CFAP299: variants seen among roughly 807,000 people sequenced by gnomAD.
CFAP299 encodes the protein cilia- and flagella-associated protein 299.
A neutral mutation model predicts 27.0 loss-of-function variants in CFAP299; 21 were observed. The ratio of observed to expected loss-of-function variants is 0.78; its 90% CI spans 0.55 to 1.12. The LOEUF (loss-of-function observed/expected upper bound fraction) is 1.12. Ranked by LOEUF, CFAP299 falls within the 50% of genes most tolerant of loss-of-function variation. CFAP299 has a pLI of 0.00. For missense variants in CFAP299, 310 were observed against 276.6 expected, an observed-to-expected ratio of 1.12 and a Z score of -0.86; for synonymous variants, 104 against 98.1, an observed-to-expected ratio of 1.06 and a Z score of -0.36.
chr4:80,959,470 T>C (rs1738231033), intron 5 of CFAP299, among the ~76,000 whole-genome samples: 1 of 152,082 alleles, frequency 6.6e-6, no homozygotes, highest in Non-Finnish European at 1.5e-5. Context: ...CAATCATTAT[T>C]TTCCTTTAAG....
intron 4 of CFAP299, among the ~76,000 whole-genome samples, chr4:80,903,421 T>A (rs911814407): frequency 7.2e-5 from 11 of 152,156 alleles, no homozygotes; most frequent in Admixed American, 2.0e-4. Context: ...CTGAAAAAAA[T>A]TTTAATATTA....
intron 2 of CFAP299, among the ~76,000 whole-genome samples, chr4:80,421,784 A>G (rs1022293048): frequency 6.6e-6 from 1 of 152,216 alleles, no homozygotes; most frequent in Non-Finnish European, 1.5e-5. Context: ...GATCTTTTAC[A>G]CAAAACCAAA....
At chr4:80,871,636 C>G in intron 4 of CFAP299, 1 of 981,748 alleles carries the variant, frequency 1.0e-6, no homozygotes, top group Non-Finnish European at 1.2e-6. Context: ...TCATCACCAC[C>G]TTTATAACTA....
intron 3 of CFAP299, among the ~76,000 whole-genome samples, chr4:80,857,171 G>A (rs998998893): frequency 1.3e-5 from 2 of 152,150 alleles, no homozygotes; most frequent in African/African-American, 4.8e-5. Flanking sequence ...AAGCAATTGT[G>A]AATGGGAGTT....
chr4:80,866,433 GC>G (rs1014356854), intron 3 of CFAP299, among the ~76,000 whole-genome samples: 1 of 151,994 alleles, frequency 6.6e-6, no homozygotes, highest in Non-Finnish European at 1.5e-5. Flanking sequence ...AGTCTCTGTT[GC>G]TCTACATACT....
intron 3 of CFAP299, among the ~76,000 whole-genome samples, chr4:80,734,249 G>C (rs1175409736): frequency 6.6e-6 from 1 of 151,998 alleles, no homozygotes; most frequent in African/African-American, 2.4e-5. Context: ...ATGCCTGCTT[G>C]CCATTTGTAT....
chr4:80,870,460 G>T, intron 4 of CFAP299: 2 of 1,010,358 alleles, frequency 2.0e-6, no homozygotes, highest in Non-Finnish European at 2.4e-6. Flanking sequence ...GAAGCCTCAA[G>T]AACTGCTCAT....
intron 2 of CFAP299, among the ~76,000 whole-genome samples, chr4:80,557,812 A>G (rs1411418279): frequency 6.6e-6 from 1 of 152,132 alleles, no homozygotes; most frequent in Non-Finnish European, 1.5e-5. Context: ...AACAAACACA[A>G]AATAATTTCT....
intron 3 of CFAP299, among the ~76,000 whole-genome samples, chr4:80,672,860 C>G (rs1298075522): frequency 6.6e-6 from 1 of 151,354 alleles, no homozygotes; most frequent in Non-Finnish European, 1.5e-5. Flanking sequence ...TCCCCTTTGT[C>G]ATTTTTTATT....
chr4:80,878,197 C>T (rs950237987), intron 4 of CFAP299, among the ~76,000 whole-genome samples: 9 of 152,084 alleles, frequency 5.9e-5, no homozygotes, highest in African/African-American at 1.9e-4. Context: ...GCACCTCTCT[C>T]CATACTTCCC....
At chr4:80,937,791 AG>A (rs1383201306) in intron 4 of CFAP299, among the ~76,000 whole-genome samples, 2 of 152,038 alleles carry the variant, frequency 1.3e-5, no homozygotes, top group Non-Finnish European at 2.9e-5. Flanking sequence ...AATGTTTTGT[AG>A]TTCTTGTTCT....
chr4:80,423,759 T>C (rs1045156521), intron 2 of CFAP299, among the ~76,000 whole-genome samples: 1 of 152,160 alleles, frequency 6.6e-6, no homozygotes, highest in African/African-American at 2.4e-5. Context: ...GCCAGAATGG[T>C]GCTGAAATGT....
intron 2 of CFAP299, among the ~76,000 whole-genome samples, chr4:80,430,588 C>CT (rs1727763012): frequency 6.6e-6 from 1 of 152,172 alleles, no homozygotes; most frequent in South Asian, 2.1e-4. Flanking sequence ...AATACACTCT[C>CT]TAACAACTTC....
chr4:80,898,510 C>T (rs930813129), intron 4 of CFAP299, among the ~76,000 whole-genome samples: 1 of 151,868 alleles, frequency 6.6e-6, no homozygotes, highest in Non-Finnish European at 1.5e-5. Context: ...TTGGAAAAGG[C>T]AACATTTAAG....
At chr4:80,820,915 A>C (rs758857591) in intron 3 of CFAP299, among the ~76,000 whole-genome samples, 2 of 152,208 alleles carry the variant, frequency 1.3e-5, no homozygotes, top group Non-Finnish European at 2.9e-5. Context: ...ACAGATCATT[A>C]CTGAGAAATT....
At chr4:80,492,451 A>G (rs979112165) in intron 2 of CFAP299, among the ~76,000 whole-genome samples, 1 of 152,186 alleles carries the variant, frequency 6.6e-6, no homozygotes, top group African/African-American at 2.4e-5. Context: ...TCATCATGAT[A>G]AGCTAGCAGT....
intron 2 of CFAP299, among the ~76,000 whole-genome samples, chr4:80,484,357 A>G (rs1730710252): frequency 6.6e-6 from 1 of 152,152 alleles, no homozygotes; most frequent in Non-Finnish European, 1.5e-5. Context: ...TTCCCCATAT[A>G]CCTGTATAAC....
Position 80,880,260 on chromosome 4 carries a change from T to A in CFAP299, c.476+10125T>A, listed in dbSNP as rs371122006. Among the ~76,000 whole-genome samples the A allele has an allele frequency of 1.7e-3, 265 of 152,162 alleles. 1 individual carries two copies. Among genetic ancestry groups the A allele is most frequent in the African/African-American group, 5.9e-3 (245 of 41,532 alleles). ...GAAGTCTTCTTGAATGCCTTTTGTA[T>A]AAATACATGAAATGAGTTCATTTAA... On this transcript the variant is annotated intron_variant, in intron 4 of 5. Coordinates refer to ENST00000358105, the MANE Select transcript of CFAP299 (RefSeq NM_152770.3).
intron 3 of CFAP299, among the ~76,000 whole-genome samples, chr4:80,782,310 A>G (rs1312792782): frequency 6.6e-6 from 1 of 151,870 alleles, no homozygotes; most frequent in Non-Finnish European, 1.5e-5. Context: ...ATGGATGGAA[A>G]GAGATAGGAT....
Sources: gnomAD v4.1 joint callset for allele counts (sites outside exome capture counted in the v4.1 genomes callset) on GRCh38, gnomAD v4.1.1 for gene constraint, MANE v1.5 for transcripts, NCBI Gene and HGNC (gene_info 2026-07-23, HGNC 2026-07-21) for gene names.